Variants in PPP2R2B observed in about 807,000 individuals in gnomAD.
PPP2R2B encodes the protein serine/threonine-protein phosphatase 2A 55 kDa regulatory subunit B beta isoform.
In PPP2R2B, 5 loss-of-function variants were observed where a neutral mutation model predicts 46.0. The observed-to-expected ratio is 0.11, with a 90% CI of 0.06 to 0.23. PPP2R2B has a LOEUF of 0.23. PPP2R2B is among the 10% of genes least tolerant of loss of function. The pLI, the probability that PPP2R2B is intolerant of heterozygous loss-of-function variation, is 1.00. For synonymous variants in PPP2R2B, 215 were observed against 206.7 expected, an observed-to-expected ratio of 1.04 and a Z score of -0.34; for missense variants, 367 against 575.0, an observed-to-expected ratio of 0.64 and a Z score of 3.70.
intron 1 of PPP2R2B, among the ~76,000 whole-genome samples, chr5:146,946,800 T>C (rs1764497988): frequency 6.6e-6 from 1 of 152,108 alleles, no homozygotes; most frequent in Non-Finnish European, 1.5e-5. Flanking sequence ...AGAAGGATTG[T>C]TTCCATCTAA....
chr5:146,834,851 C>G (rs960471803), intron 2 of PPP2R2B, among the ~76,000 whole-genome samples: 1 of 152,130 alleles, frequency 6.6e-6, no homozygotes, highest in African/African-American at 2.4e-5. Context: ...TGTTTAGCTC[C>G]ACTTATAAGT....
At chr5:146,818,332 T>C (rs1437662420) in intron 2 of PPP2R2B, among the ~76,000 whole-genome samples, 1 of 150,456 alleles carries the variant, frequency 6.6e-6, no homozygotes, top group Non-Finnish European at 1.5e-5. Context: ...AAGACATTCA[T>C]CTATGCTAAA....
chr5:146,803,757 T>C (rs1470670526), intron 2 of PPP2R2B, among the ~76,000 whole-genome samples: 1 of 152,190 alleles, frequency 6.6e-6, no homozygotes, highest in Non-Finnish European at 1.5e-5. Context: ...TTATAAACTA[T>C]GTGGTTTTTG....
At chr5:146,880,179 TTGTGTGTGTGTGTGTGTGTGTGTG>T (rs57151657), upstream of PPP2R2B, among the ~76,000 whole-genome samples, 474 of 138,252 alleles carry the variant, frequency 3.4e-3, 2 homozygotes, top group Admixed American at 6.8e-3. Flanking sequence ...CATAGTTATT[TTGTGTGTGTGTGTGTGTGTGTGTG>T]TGTGTGTGTG....
chr5:146,880,179 T>TTGTGTGTG (rs57151657), upstream of PPP2R2B, among the ~76,000 whole-genome samples: 187 of 138,248 alleles, frequency 1.4e-3, no homozygotes, highest in African/African-American at 2.3e-3. Flanking sequence ...CATAGTTATT[T>TTGTGTGTG]TGTGTGTGTG....
chr5:146,760,435 T>A (rs1754090236), intron 2 of PPP2R2B, among the ~76,000 whole-genome samples: 1 of 152,116 alleles, frequency 6.6e-6, no homozygotes, highest in Non-Finnish European at 1.5e-5. Context: ...GGCCACCATG[T>A]GCTATTATGG....
chr5:146,907,179 G>A (rs1464724755), intron 1 of PPP2R2B, among the ~76,000 whole-genome samples: 3 of 146,072 alleles, frequency 2.1e-5, no homozygotes, highest in Non-Finnish European at 3.0e-5. Context: ...GTCTGAAAAC[G>A]ATTGTATAAG....
intron 2 of PPP2R2B, among the ~76,000 whole-genome samples, chr5:146,741,611 G>A (rs932454807): frequency 1.3e-5 from 2 of 152,124 alleles, no homozygotes; most frequent in African/African-American, 4.8e-5. Flanking sequence ...TCGGGACGTG[G>A]GGACAGAACT....
intron 2 of PPP2R2B, among the ~76,000 whole-genome samples, chr5:146,861,239 G>C (rs1211918181): frequency 6.6e-6 from 1 of 151,864 alleles, no homozygotes; most frequent in East Asian, 1.9e-4. Flanking sequence ...TGTATTTTTT[G>C]TGGAGACAGG....
At chr5:146,701,214 T>A in intron 2 of PPP2R2B, 72 bp from the exon 3 acceptor site, 1 of 1,278,706 alleles carries the variant, frequency 7.8e-7, no homozygotes, top group Non-Finnish European at 1.1e-6. Flanking sequence ...ATAGATATAC[T>A]TTTCTGTGCA....
At chr5:146,958,916 G>A (rs1047537857) in intron 1 of PPP2R2B, among the ~76,000 whole-genome samples, 2 of 152,186 alleles carry the variant, frequency 1.3e-5, no homozygotes, top group African/African-American at 4.8e-5. Flanking sequence ...ATGGCACAGA[G>A]AAATTAAATT....
chr5:146,767,527 T>C lies in PPP2R2B; in HGVS notation c.71-66385A>G, dbSNP rs1217153931. 2.0e-5 allele frequency among the ~76,000 whole-genome samples: 3 copies of C among 151,338 alleles called. No homozygotes were observed. In the East Asian group the frequency reaches 5.8e-4, roughly 29 times the overall value. On this transcript the variant is annotated intron_variant, in intron 2 of 9. Transcript: ENST00000394411. ...GCTGATGTTTAAATTATGACTCCAA[T>C]ACACACATACATACACACACACACA...
chr5:146,609,769 A>G (rs1176662951), intron 7 of PPP2R2B, among the ~76,000 whole-genome samples: 1 of 138,128 alleles, frequency 7.2e-6, no homozygotes, highest in African/African-American at 2.9e-5. Flanking sequence ...CCACCCGAAT[A>G]TTGCGCTTTT....
chr5:146,720,958 T>G (rs1424229248), intron 2 of PPP2R2B, among the ~76,000 whole-genome samples: 1 of 152,238 alleles, frequency 6.6e-6, no homozygotes, highest in Non-Finnish European at 1.5e-5. Flanking sequence ...ATGGAGATTT[T>G]CACTTCTGTG....
intron 2 of PPP2R2B, among the ~76,000 whole-genome samples, chr5:146,732,540 T>C (rs1752295225): frequency 6.6e-6 from 1 of 152,194 alleles, no homozygotes; most frequent in South Asian, 2.1e-4. Flanking sequence ...AAAGGTTTTG[T>C]AGAACAAACC....
intron 1 of PPP2R2B, among the ~76,000 whole-genome samples, chr5:147,050,889 C>T (rs539108722): frequency 4.6e-5 from 7 of 152,072 alleles, no homozygotes; most frequent in Admixed American, 6.6e-5. Context: ...AAGATACTTG[C>T]TTTAAGATAT....
rs184592225 is a variant in PPP2R2B at position 146,919,490 on chromosome 5, A to T, written c.79+136175T>A. 2.6e-5 allele frequency: 4 copies of T among 152,364 alleles called. No individual in the cohort carries two copies. The East Asian group carries it at 7.7e-4, about 29-fold the overall frequency. The allele number at this position is 152,364 out of a possible 1,614,324, so 9.4% of individuals were successfully genotyped here. Reference sequence around the variant, plus strand: ...TAGTCCTTCCCACAGATCAACATGCAAAAGAGAAAGTGAGTTTCTCACATT... The same window carrying T: ...TAGTCCTTCCCACAGATCAACATGCTAAAGAGAAAGTGAGTTTCTCACATT... On this transcript the variant is annotated intron_variant, in intron 1 of 8. Coordinates refer to the PPP2R2B transcript ENST00000336640.
chr5:146,598,949 G>A (rs1232617169), intron 8 of PPP2R2B, among the ~76,000 whole-genome samples: 1 of 152,082 alleles, frequency 6.6e-6, no homozygotes, highest in Non-Finnish European at 1.5e-5. Flanking sequence ...TCATTGAATT[G>A]TGCACTTTGA....
chr5:146,887,745 C>A (rs561645348), intron 1 of PPP2R2B, among the ~76,000 whole-genome samples: 222 of 152,242 alleles, frequency 1.5e-3, no homozygotes, highest in African/African-American at 5.1e-3. Flanking sequence ...GCCAAATAGC[C>A]AGATGTCACT....
Sources: gnomAD v4.1 joint callset for allele counts (sites outside exome capture counted in the v4.1 genomes callset) on GRCh38, gnomAD v4.1.1 for gene constraint, MANE v1.5 for transcripts, NCBI Gene and HGNC (gene_info 2026-07-23, HGNC 2026-07-21) for gene names.